CEACAM7: variants seen among roughly 807,000 people sequenced by gnomAD.
CEACAM7 encodes the protein CEA cell adhesion molecule 7.
Under a neutral mutation model 25.7 loss-of-function variants are expected in CEACAM7, and 24 were observed. The ratio of observed to expected loss-of-function variants is 0.93; its 90% CI spans 0.68 to 1.31. The LOEUF is 1.31. CEACAM7 is among the 40% of genes most tolerant of loss of function. The pLI, the probability that CEACAM7 is intolerant of heterozygous loss-of-function variation, is 0.00. For missense variants in CEACAM7, 324 were observed against 330.1 expected (o/e 0.98, Z 0.14); for synonymous variants, 144 against 129.4 (o/e 1.11, Z -0.77).
At chr19:41,680,652 T>C (rs1178419967) in intron 3 of CEACAM7, among the ~76,000 whole-genome samples, 1 of 152,152 alleles carries the variant, frequency 6.6e-6, no homozygotes, top group East Asian at 1.9e-4. Flanking sequence ...GACCATTCAA[T>C]AGGGAAAGGA....
Position 41,686,932 on chromosome 19 carries a change from T to C in CEACAM7, c.354A>G (p.Ala118=), listed in dbSNP as rs558110917. 1.3e-5 allele frequency: 21 copies of C among 1,596,634 alleles called. No individual in the cohort carries two copies. The highest frequency in any genetic ancestry group is 1.7e-5 in the Non-Finnish European group (20 of 1,172,904). ...LLIQNVTHND[A]GIYTLHVIKE... Reference sequence around the variant, plus strand: ...TTATAACGTGTAGGGTATAGATTCCTGCGTCATTGTGGGTGACGTTCTGGA... The same window carrying C: ...TTATAACGTGTAGGGTATAGATTCCCGCGTCATTGTGGGTGACGTTCTGGA... Residue 118 remains alanine (A), a synonymous_variant, in exon 2 of 5, where the codon GCA becomes GCG. Coordinates refer to ENST00000401731, the MANE Select transcript of CEACAM7 (RefSeq NM_001291485.2).
chr19:41,679,801 C>CTCTTTT (rs35780292), intron 3 of CEACAM7, among the ~76,000 whole-genome samples: 18 of 111,886 alleles, frequency 1.6e-4, no homozygotes, highest in African/African-American at 5.0e-4. Context: ...CTCTCTCTCT[C>CTCTTTT]TTTTTTTTTT....
At chr19:41,685,277 TAC>T (rs1304622805) in intron 2 of CEACAM7, among the ~76,000 whole-genome samples, 1 of 152,088 alleles carries the variant, frequency 6.6e-6, no homozygotes, top group Non-Finnish European at 1.5e-5. Flanking sequence ...GCCAAGCATT[TAC>T]ACAGTCATGA....
rs1555810249 is a variant in CEACAM7, at chr19:41,677,518, A to G, written c.707-15T>C. ...TACTGACTCATCTGCCATGGAAAGA[A>G]AAGAGAAGGAATGAAGTTGATCTTA... On this transcript the variant is annotated splice_polypyrimidine_tract_variant and intron_variant, in intron 3 of 4. Transcript: ENST00000401731. 1.3e-6 allele frequency: 2 copies of G among 1,593,030 alleles called. No individual in the cohort carries two copies. The highest frequency in any genetic ancestry group is 3.3e-5 in the Admixed American group (2 of 59,852).
rs1454364724 is a variant in CEACAM7 at position 41,677,597 on chromosome 19, T to G, written c.707-94A>C. The G allele has an allele frequency of 1.5e-5, 13 of 848,416 alleles. No homozygotes were observed. The African/African-American group carries it at 2.2e-4, about 14-fold the overall frequency. 52.6% of individuals were successfully genotyped at this position (848,416 alleles called of 1,614,324 possible). ...CTCTCAGCATGAAGTCGTTTCTATT[T>G]GTTCCTTCAAGGAATACATTATTTT... On this transcript the variant is annotated intron_variant, in intron 3 of 4. Coordinates refer to ENST00000401731, the MANE Select transcript of CEACAM7 (RefSeq NM_001291485.2).
intron 3 of CEACAM7, among the ~76,000 whole-genome samples, chr19:41,680,570 A>G (rs964987072): frequency 1.4e-4 from 22 of 152,328 alleles, no homozygotes; most frequent in African/African-American, 5.1e-4. Context: ...ATAGAAACCA[A>G]TGGAATAGAA....
chr19:41,684,651 G>T (rs782123513), intron 2 of CEACAM7, among the ~76,000 whole-genome samples: 2 of 152,158 alleles, frequency 1.3e-5, no homozygotes, highest in Non-Finnish European at 2.9e-5. Context: ...GCTAGTGACC[G>T]CCAGGAAAGT....
At chr19:41,681,385 T>C (rs1185253447) in intron 3 of CEACAM7, among the ~76,000 whole-genome samples, 1 of 152,162 alleles carries the variant, frequency 6.6e-6, no homozygotes, top group Non-Finnish European at 1.5e-5. Context: ...TCAAAAAAAT[T>C]AAGCAAAGCA....
chr19:41,679,723 T>G (rs920329723), intron 3 of CEACAM7, among the ~76,000 whole-genome samples: 11 of 151,614 alleles, frequency 7.3e-5, no homozygotes, highest in Non-Finnish European at 1.2e-4. Context: ...TGCAAGATAC[T>G]AAATCAACAT....
rs555854748 is a variant in CEACAM7 at position 41,679,626 on chromosome 19, T to G, written c.707-2123A>C. On this transcript the variant is annotated intron_variant, in intron 3 of 4. Transcript: ENST00000401731. ...CATCCAAATCAGAAAGAAGTAAAAT[T>G]AACTTTGCAGATGACAGGAACTTAC... Among the ~76,000 whole-genome samples the G allele has an allele frequency of 5.4e-3, 602 of 111,040 alleles. 4 individuals are homozygous for G. The highest frequency in any genetic ancestry group is 0.01 in the Non-Finnish European group (477 of 47,052). 72.8% of individuals were successfully genotyped at this position (111,040 alleles called of 152,430 possible).
At position 41,683,787 on chromosome 19, in the gene CEACAM7, C is replaced by T. The variant is rs180715666; in HGVS notation, c.704G>A (p.Arg235His). Residue 235 changes from arginine (R) to histidine (H), a missense_variant and splice_region_variant, in exon 3 of 5, where the codon CGC (arginine) becomes CAC (histidine). Transcript: ENST00000401731. ...ACAGAGGAACAGAAGATACTCACAG[C>T]GGACATTCAGGGTGACTGGGTCACT... Reference protein sequence around the residue: ...SRSDPVTLNVRYESVQASSPD... With the variant: ...SRSDPVTLNVHYESVQASSPD... 1.7e-5 allele frequency: 27 copies of T among 1,613,908 alleles called. No individual in the cohort carries two copies. Among genetic ancestry groups the T allele is most frequent in the East Asian group, 8.9e-5 (4 of 44,876 alleles).
At chr19:41,685,129 C>A (rs1052064309) in intron 2 of CEACAM7, among the ~76,000 whole-genome samples, 2 of 152,180 alleles carry the variant, frequency 1.3e-5, no homozygotes, top group South Asian at 4.1e-4. Flanking sequence ...AGCCCCACAG[C>A]GAGACGAGGA....
At chr19:41,676,207 T>C (rs1351049427) in intron 4 of CEACAM7, among the ~76,000 whole-genome samples, 1 of 152,230 alleles carries the variant, frequency 6.6e-6, no homozygotes, top group African/African-American at 2.4e-5. Flanking sequence ...GGTCCCACTC[T>C]AGACCATTAA....
rs571608982 is a variant in CEACAM7, at chr19:41,687,070, C to T, written c.216G>A (p.Arg72=). The T allele has an allele frequency of 9.3e-6, 15 of 1,613,944 alleles. No homozygotes were observed. In the African/African-American group the frequency reaches 1.7e-4, roughly 19 times the overall value. The change falls in exon 2 of 5, where the codon AGG becomes AGA. Residue 72 remains arginine (R), a synonymous_variant. Transcript: ENST00000401731. ...CTATAATTCGATAGTTGGCATGCAC[C>T]CTTTCCCCTTTGTACCAGTTGTAGC... The part of the protein sequence containing the change: ...LYGYNWYKGE[R]VHANYRIIGY...
At chr19:41,677,957 T>C (rs2072132152) in intron 3 of CEACAM7, among the ~76,000 whole-genome samples, 1 of 152,226 alleles carries the variant, frequency 6.6e-6, no homozygotes, top group African/African-American at 2.4e-5. Context: ...CAAGACTATT[T>C]TGCTCTGAAA....
At chr19:41,682,874 G>A (rs1396256822) in intron 3 of CEACAM7, among the ~76,000 whole-genome samples, 1 of 152,236 alleles carries the variant, frequency 6.6e-6, no homozygotes, top group East Asian at 1.9e-4. Flanking sequence ...TTTTCCCTCT[G>A]TGAAGCTCTT....
rs34340713 is a variant in CEACAM7, at chr19:41,679,801, C to CTTTTT, written c.707-2303_707-2299dup. On this transcript the variant is annotated intron_variant, in intron 3 of 4. Coordinates refer to ENST00000401731, the MANE Select transcript of CEACAM7 (RefSeq NM_001291485.2). Reference sequence around the variant, plus strand: ...TCTCTGTCTCTTTCTCTCTCTCTCTCTTTTTTTTTTTTTTTTTTGAGACAG... The same window carrying CTTTTT: ...TCTCTGTCTCTTTCTCTCTCTCTCTCTTTTTTTTTTTTTTTTTTTTTTTGAGACAG... 9.9e-3 allele frequency among the ~76,000 whole-genome samples: 1,105 copies of CTTTTT among 111,878 alleles called. 27 individuals carry two copies. Among genetic ancestry groups the CTTTTT allele is most frequent in the Admixed American group, 0.036 (333 of 9,310 alleles). The allele number at this position is 111,878 out of a possible 152,430, so 73.4% of individuals were successfully genotyped here.
chr19:41,675,863 A>G (rs1231745978), intron 4 of CEACAM7, among the ~76,000 whole-genome samples: 1 of 152,266 alleles, frequency 6.6e-6, no homozygotes, highest in Non-Finnish European at 1.5e-5. Flanking sequence ...AAACATTCAC[A>G]TCAATAACAT....
chr19:41,686,066 T>A (rs1357825823), intron 2 of CEACAM7, among the ~76,000 whole-genome samples: 3 of 152,202 alleles, frequency 2.0e-5, no homozygotes, highest in African/African-American at 7.2e-5. Context: ...GAGAGCCCTG[T>A]GTAGAAGAGC....
Sources: allele counts gnomAD v4.1 joint callset (sites outside exome capture counted in the v4.1 genomes callset), GRCh38; gene constraint gnomAD v4.1.1; transcripts MANE v1.5; gene names NCBI Gene and HGNC (gene_info 2026-07-23, HGNC 2026-07-21).